The following SMYD3 variants were observed in gnomAD, a reference collection of about 807,000 sequenced individuals.
SMYD3 encodes histone-lysine N-methyltransferase SMYD3.
In SMYD3, 36 loss-of-function variants were observed where a neutral mutation model predicts 57.7. The observed-to-expected ratio is 0.62, with a 90% CI of 0.48 to 0.82. The LOEUF is 0.82. Among genes scored for constraint, SMYD3 ranks in the 40% least tolerant of loss-of-function variants. The pLI is 0.00. For synonymous variants in SMYD3, 211 were observed against 195.0 expected (o/e 1.08, Z -0.68); for missense variants, 515 against 538.8 (o/e 0.96, Z 0.44).
chr1:245,888,095 C>A (rs2053184969), intron 8 of SMYD3, among the ~76,000 whole-genome samples: 1 of 152,170 alleles, frequency 6.6e-6, no homozygotes, highest in South Asian at 2.1e-4. Context: ...TCAGGGCTCC[C>A]TGGACTCTCC....
At chr1:245,940,644 A>G (rs963810872) in intron 5 of SMYD3, among the ~76,000 whole-genome samples, 3 of 152,174 alleles carry the variant, frequency 2.0e-5, no homozygotes, top group Non-Finnish European at 4.4e-5. Flanking sequence ...AAGACTCCAC[A>G]AAAACCCCAC....
intron 5 of SMYD3, among the ~76,000 whole-genome samples, chr1:245,958,894 A>T (rs1220414276): frequency 6.6e-6 from 1 of 152,110 alleles, no homozygotes; most frequent in Non-Finnish European, 1.5e-5. Flanking sequence ...AGGAGCATTA[A>T]GAACTCTTTT....
intron 4 of SMYD3, among the ~76,000 whole-genome samples, chr1:246,329,553 G>C (rs921267088): frequency 2.0e-5 from 3 of 151,914 alleles, no homozygotes; most frequent in Non-Finnish European, 2.9e-5. Context: ...TTTTTTTCTT[G>C]TTAATTTGTT....
At chr1:245,844,539 T>C (rs2050564133) in intron 10 of SMYD3, among the ~76,000 whole-genome samples, 1 of 152,150 alleles carries the variant, frequency 6.6e-6, no homozygotes, top group Non-Finnish European at 1.5e-5. Flanking sequence ...TCTGAGGCAG[T>C]GTTTAAACAA....
chr1:246,291,305 G>C (rs1572344128), intron 5 of SMYD3, among the ~76,000 whole-genome samples: 4 of 152,334 alleles, frequency 2.6e-5, no homozygotes, highest in Admixed American at 2.6e-4. Context: ...CATGCTCTGA[G>C]AAGGAAGAGA....
At chr1:245,947,488 G>A (rs1314763317) in intron 5 of SMYD3, 3 of 452,916 alleles carry the variant, frequency 6.6e-6, no homozygotes, top group Non-Finnish European at 1.3e-5. Context: ...TAAAACATCA[G>A]GGATTCAGTT....
chr1:245,792,669 T>C (rs2047325864), intron 10 of SMYD3, among the ~76,000 whole-genome samples: 1 of 152,244 alleles, frequency 6.6e-6, no homozygotes, highest in South Asian at 2.1e-4. Flanking sequence ...ACTTCATTAA[T>C]ATTTGTTACA....
At chr1:246,207,418 A>T (rs2063017094) in intron 5 of SMYD3, among the ~76,000 whole-genome samples, 2 of 152,278 alleles carry the variant, frequency 1.3e-5, no homozygotes, top group African/African-American at 4.8e-5. Context: ...AAGATCTCTT[A>T]GCGCTCCAAG....
At chr1:246,109,295 A>G (rs983603055) in intron 5 of SMYD3, among the ~76,000 whole-genome samples, 6 of 152,216 alleles carry the variant, frequency 3.9e-5, no homozygotes, top group African/African-American at 1.4e-4. Flanking sequence ...ATAGCCTTGG[A>G]AACAGCTCAC....
At chr1:245,911,255 A>C (rs1396876357) in intron 8 of SMYD3, among the ~76,000 whole-genome samples, 1 of 152,132 alleles carries the variant, frequency 6.6e-6, no homozygotes, top group East Asian at 1.9e-4. Flanking sequence ...GAAGGCTCAC[A>C]CATTGTTGGT....
At chr1:246,419,161 C>T (rs114665401) in intron 1 of SMYD3, among the ~76,000 whole-genome samples, 1,780 of 152,234 alleles carry the variant, frequency 0.012, 38 homozygotes, top group African/African-American at 0.04. Context: ...CTAACTCCAC[C>T]GCCTATCTCT....
chr1:245,765,807 C>T (rs1243582763), intron 10 of SMYD3, among the ~76,000 whole-genome samples: 1 of 152,104 alleles, frequency 6.6e-6, no homozygotes. Context: ...GAATCCATCA[C>T]TCACGCAGGG....
intron 1 of SMYD3, among the ~76,000 whole-genome samples, chr1:246,415,001 G>A (rs910361765): frequency 2.0e-5 from 3 of 152,278 alleles, no homozygotes; most frequent in South Asian, 2.1e-4. Flanking sequence ...ACAGGTGTGA[G>A]CCACCGCGCC....
chr1:246,304,390 G>A (rs904776167), intron 5 of SMYD3, among the ~76,000 whole-genome samples: 1 of 152,048 alleles, frequency 6.6e-6, no homozygotes, highest in African/African-American at 2.4e-5. Flanking sequence ...AAAGCACATT[G>A]TAAAAATAAT....
chr1:246,025,932 G>C (rs2059565466), intron 5 of SMYD3: 1 of 152,246 alleles, frequency 6.6e-6, no homozygotes, highest in African/African-American at 2.4e-5. Flanking sequence ...AGGAGTTTAA[G>C]ACCAGCCTGG....
In SMYD3 at chr1:246,500,372, C is replaced by T. The variant is rs555359263; in HGVS notation, c.164+6682G>A. On this transcript the variant is annotated intron_variant, in intron 1 of 11. Coordinates refer to ENST00000490107, the MANE Select transcript of SMYD3 (RefSeq NM_001167740.2). ...CATTAGCCCATTGCTCTAATTCTTT[C>T]TGGGAAGGTCAGAGGCAACCTTGTG... Among the ~76,000 whole-genome samples the T allele has an allele frequency of 1.2e-3, 179 of 152,274 alleles. 1 individual carries two copies. Among genetic ancestry groups the T allele is most frequent in the Non-Finnish European group, 4.6e-4 (31 of 68,024 alleles).
Position 245,966,517 on chromosome 1 carries a change from A to C in SMYD3, c.532-36580T>G, listed in dbSNP as rs2058153334. ...ACATGGTATGCACACATTAAATTAA[A>C]TGTGAAAAACAAAGGCAAAAAGAAA... is the stretch of plus-strand genomic sequence containing the variant. On this transcript the variant is annotated intron_variant, in intron 5 of 11. Coordinates refer to ENST00000490107, the MANE Select transcript of SMYD3 (RefSeq NM_001167740.2). Among the ~76,000 whole-genome samples, 3 of 152,238 alleles carry C rather than the reference A, an allele frequency of 2.0e-5. No homozygotes were observed. The South Asian group carries it at 6.2e-4, about 31-fold the overall frequency.
Position 246,312,151 on chromosome 1 carries a change from C to T in SMYD3, c.531+15050G>A, listed in dbSNP as rs1399829605. Among the ~76,000 whole-genome samples the T allele has an allele frequency of 3.3e-5, 5 of 152,280 alleles. No individual in the cohort carries two copies. In the South Asian group the frequency reaches 6.2e-4, roughly 19 times the overall value. The stretch of plus-strand genomic sequence containing the variant: ...GCTTGCAGTCTATGCAAGCAGTCAG[C>T]CAGCTCCAGGAACGTGGCATGAGAT... On this transcript the variant is annotated intron_variant, in intron 5 of 11. Transcript: ENST00000490107.
chr1:246,207,768 G>C lies in SMYD3; in HGVS notation c.531+119433C>G, dbSNP rs138168160. On this transcript the variant is annotated intron_variant, in intron 5 of 11. Coordinates refer to ENST00000490107, the MANE Select transcript of SMYD3 (RefSeq NM_001167740.2). ...AATAAATCACATGTGCCTGGTAGGG[G>C]AGAATTTGCTTAAGAAAGTTTTCTC... is the stretch of plus-strand genomic sequence containing the variant. Among the ~76,000 whole-genome samples, 809 of 152,266 alleles carry C rather than the reference G, an allele frequency of 5.3e-3. 4 individuals carry two copies. The highest frequency in any genetic ancestry group is 0.015 in the South Asian group (74 of 4,832).
Sources: allele counts gnomAD v4.1 joint callset (sites outside exome capture counted in the v4.1 genomes callset), GRCh38; gene constraint gnomAD v4.1.1; transcripts MANE v1.5; gene names NCBI Gene and HGNC (gene_info 2026-07-23, HGNC 2026-07-21).